CCM2: variants seen among roughly 807,000 people sequenced by gnomAD.
The protein encoded by CCM2 is CCM2 scaffold protein.
Under a neutral mutation model 44.9 loss-of-function variants are expected in CCM2, and 25 were observed. That is an observed-to-expected ratio of 0.56 (90% CI 0.41 to 0.78). CCM2 has a LOEUF of 0.78. Ranked by LOEUF, CCM2 falls within the 30% of genes least tolerant of loss-of-function variation. The probability of loss-of-function intolerance (pLI) is 0.00; values close to 1 mark genes in which losing one functional copy is unlikely to be tolerated. For missense variants in CCM2, 481 were observed against 580.6 expected, an observed-to-expected ratio of 0.83 and a Z score of 1.76; for synonymous variants, 219 against 241.1, an observed-to-expected ratio of 0.91 and a Z score of 0.85.
intron 1 of CCM2, among the ~76,000 whole-genome samples, chr7:45,030,487 G>T (rs1796911798): frequency 6.6e-6 from 1 of 152,006 alleles, no homozygotes; most frequent in South Asian, 2.1e-4. Flanking sequence ...CCTAGGCTGG[G>T]TGCAGTGGTG....
chr7:45,069,816 C>T lies in CCM2; in HGVS notation c.610-10C>T. 1 of 1,614,022 alleles carries T rather than the reference C, an allele frequency of 6.2e-7. No individual in the cohort carries two copies. Among genetic ancestry groups the T allele is most frequent in the Non-Finnish European group, 8.5e-7 (1 of 1,180,046 alleles). On this transcript the variant is annotated splice_polypyrimidine_tract_variant and intron_variant, in intron 5 of 9. Coordinates refer to ENST00000258781, the MANE Select transcript of CCM2 (RefSeq NM_031443.4). Reference sequence around the variant, plus strand: ...CAGACTGACCGAGCAGCTGCTGTCCCCCACTGCAGGTCGCTGCGGAGGAGC... The same window carrying T: ...CAGACTGACCGAGCAGCTGCTGTCCTCCACTGCAGGTCGCTGCGGAGGAGC...
At chr7:45,040,540 T>C (rs928255260) in intron 2 of CCM2, among the ~76,000 whole-genome samples, 7 of 152,264 alleles carry the variant, frequency 4.6e-5, no homozygotes, top group African/African-American at 1.2e-4. Flanking sequence ...GAAGAAGTTA[T>C]TAAGACAGTA....
chr7:45,013,777 T>C (rs188140431), intron 1 of CCM2, among the ~76,000 whole-genome samples: 56 of 152,362 alleles, frequency 3.7e-4, no homozygotes, highest in African/African-American at 1.2e-3. Context: ...TCTCTGATGA[T>C]TGATATTTTT....
Position 45,034,146 on chromosome 7 carries a change from G to A in CCM2, c.31-4107G>A, listed in dbSNP as rs572053279. Among the ~76,000 whole-genome samples, 13 of 152,242 alleles carry A rather than the reference G, an allele frequency of 8.5e-5. No homozygotes were observed. The South Asian group carries it at 2.7e-3, about 32-fold the overall frequency. The stretch of plus-strand genomic sequence containing the variant: ...CACTGCTGTCATAGAGCCAGGGCCT[G>A]GGCAGCACAAGGCCACATGCTTTCT... On this transcript the variant is annotated intron_variant, in intron 1 of 9. Transcript: ENST00000258781.
rs2289369 is a variant in CCM2 at position 45,073,690 on chromosome 7, C to T, written c.915+119C>T. ...GGCAGGCTGCAGTGAGTGAGGTCAC[C>T]TAGAGCACTCTTGGTCAATTTTGCT... is the stretch of plus-strand genomic sequence containing the variant. On this transcript the variant is annotated intron_variant, in intron 8 of 9. Transcript: ENST00000258781. The T allele has an allele frequency of 0.21, 144,940 of 677,410 alleles. 16,023 individuals carry two copies. The highest frequency in any genetic ancestry group is 0.3 in the Admixed American group (12,578 of 41,798). The allele number at this position is 677,410 out of a possible 1,614,324, so 42.0% of individuals were successfully genotyped here.
At chr7:45,074,220 G>C in intron 8 of CCM2, 50 bp from the exon 9 acceptor site, 1 of 1,611,860 alleles carries the variant, frequency 6.2e-7, no homozygotes, top group Non-Finnish European at 8.5e-7. Context: ...CCCGACTGCC[G>C]ACTCTTGCCT....
chr7:45,012,709 C>T (rs552571936), intron 1 of CCM2, among the ~76,000 whole-genome samples: 13 of 152,102 alleles, frequency 8.5e-5, no homozygotes, highest in African/African-American at 3.1e-4. Flanking sequence ...TGTGCGCCAC[C>T]ATGCCTGGCT....
chr7:45,010,329 T>G (rs1796018184), intron 1 of CCM2, among the ~76,000 whole-genome samples: 1 of 152,200 alleles, frequency 6.6e-6, no homozygotes, highest in Non-Finnish European at 1.5e-5. Context: ...AATTCCCTTA[T>G]GCCCCTTAGA....
At position 45,071,732 on chromosome 7, in the gene CCM2, C is replaced by T. The variant is rs1799083362; in HGVS notation, c.746-994C>T. 4.4e-6 allele frequency: 2 copies of T among 456,606 alleles called. 1 individual carries two copies. The highest frequency in any genetic ancestry group is 3.1e-5 in the South Asian group (2 of 64,558). The allele number at this position is 456,606 out of a possible 1,614,324, so 28.3% of individuals were successfully genotyped here. A position where few individuals can be genotyped will look rare whatever the true frequency, so the allele number is the denominator to read the frequency against. On this transcript the variant is annotated intron_variant, in intron 6 of 9. Transcript: ENST00000258781. ...CGGCTGCATGCCTTGGCTCATGGCC[C>T]TTCCTCTGTCTTCACAGCCAGCCAC...
chr7:45,056,819 TTGG>T (rs1469240204), intron 2 of CCM2, among the ~76,000 whole-genome samples: 1 of 152,260 alleles, frequency 6.6e-6, no homozygotes, highest in East Asian at 1.9e-4. Flanking sequence ...GTGTTTAATT[TTGG>T]TGAAGTCCAG....
chr7:45,068,409 A>C, intron 4 of CCM2, 34 bp from the exon 5 acceptor site: 1 of 1,613,312 alleles, frequency 6.2e-7, no homozygotes, highest in Non-Finnish European at 8.5e-7. Flanking sequence ...CTGCCCTTCC[A>C]CTGTGCTAAA....
At chr7:45,019,304 G>T (rs2128717999) in intron 1 of CCM2, among the ~76,000 whole-genome samples, 1 of 151,834 alleles carries the variant, frequency 6.6e-6, no homozygotes, top group East Asian at 2.0e-4. Flanking sequence ...TGAACTCCTG[G>T]CCTCAAGCCA....
intron 4 of CCM2, chr7:45,067,703 G>A (rs761433011): frequency 6.5e-6 from 1 of 153,116 alleles, no homozygotes; most frequent in African/African-American, 2.4e-5. Flanking sequence ...TCACTGTGGG[G>A]TTTGAGGTAC....
intron 1 of CCM2, among the ~76,000 whole-genome samples, chr7:45,022,552 C>T (rs58633071): frequency 0.012 from 1,893 of 151,658 alleles, 33 homozygotes; most frequent in African/African-American, 0.042. Flanking sequence ...GTCATCCGCC[C>T]GCCTCGGCCT....
At position 45,070,799 on chromosome 7, in the gene CCM2, GA is replaced by G. The variant is rs74272056; in HGVS notation, c.745+849del. 1,492 of 150,592 alleles carry G rather than the reference GA, an allele frequency of 9.9e-3. 10 individuals carry two copies. Among genetic ancestry groups the G allele is most frequent in the African/African-American group, 0.022 (856 of 39,266 alleles). 9.3% of individuals were successfully genotyped at this position (150,592 alleles called of 1,614,324 possible). ...CCCTGTCTCTACTAAAAAATACCAA[GA>G]AAAAAAAAAAGGCTGTTGGAAACAG... is the stretch of plus-strand genomic sequence containing the variant. On this transcript the variant is annotated intron_variant, in intron 6 of 9. Coordinates refer to ENST00000258781, the MANE Select transcript of CCM2 (RefSeq NM_031443.4).
chr7:45,074,591 C>T (rs925536551), intron 9 of CCM2, among the ~76,000 whole-genome samples, 183 bp downstream of exon 9: 2 of 152,160 alleles, frequency 1.3e-5, no homozygotes, highest in Non-Finnish European at 2.9e-5. Flanking sequence ...TGTGATTAGT[C>T]AGAAGGGCTT....
At chr7:45,023,968 G>A (rs1015635227) in intron 1 of CCM2, among the ~76,000 whole-genome samples, 8 of 151,928 alleles carry the variant, frequency 5.3e-5, no homozygotes, top group East Asian at 1.9e-4. Flanking sequence ...GTGCCACCAC[G>A]CCCTGCTAAT....
At chr7:45,041,186 G>A (rs1797479189) in intron 2 of CCM2, among the ~76,000 whole-genome samples, 1 of 152,304 alleles carries the variant, frequency 6.6e-6, no homozygotes, top group East Asian at 1.9e-4. Flanking sequence ...GTAGAATAAT[G>A]TATTGAGAAG....
chr7:45,000,910 T>C (rs1795590433), intron 1 of CCM2, among the ~76,000 whole-genome samples: 1 of 152,250 alleles, frequency 6.6e-6, no homozygotes, highest in African/African-American at 2.4e-5. Flanking sequence ...TATGTAGTTT[T>C]ACAAAATGTG....
Sources: allele counts gnomAD v4.1 joint callset (sites outside exome capture counted in the v4.1 genomes callset), GRCh38; gene constraint gnomAD v4.1.1; transcripts MANE v1.5; gene names NCBI Gene and HGNC (gene_info 2026-07-23, HGNC 2026-07-21).